Variants in SGCZ observed in about 807,000 individuals in gnomAD.
SGCZ encodes zeta-sarcoglycan.
A neutral mutation model predicts 41.3 loss-of-function variants in SGCZ; 40 were observed. The observed-to-expected ratio is 0.97, with a 90% CI of 0.75 to 1.26. The LOEUF is 1.26. Ranked by LOEUF, SGCZ falls within the 50% of genes most tolerant of loss-of-function variation. The pLI is 0.00. For missense variants in SGCZ, 552 were observed against 369.8 expected, an observed-to-expected ratio of 1.49 and a Z score of -4.04; for synonymous variants, 206 against 137.5, an observed-to-expected ratio of 1.50 and a Z score of -3.49.
At chr8:14,559,667 C>G (rs552870556) in intron 1 of SGCZ, among the ~76,000 whole-genome samples, 1 of 152,050 alleles carries the variant, frequency 6.6e-6, no homozygotes, top group Non-Finnish European at 1.5e-5. Flanking sequence ...CATTAATGTC[C>G]TGTTAAATCT....
chr8:15,141,530 A>G (rs1229311140), intron 1 of SGCZ, among the ~76,000 whole-genome samples: 1 of 152,212 alleles, frequency 6.6e-6, no homozygotes, highest in Non-Finnish European at 1.5e-5. Flanking sequence ...ATGATGATAA[A>G]TGAAAGTGTA....
chr8:14,408,788 A>C (rs1277620331), intron 2 of SGCZ, among the ~76,000 whole-genome samples: 9 of 152,142 alleles, frequency 5.9e-5, no homozygotes, highest in Non-Finnish European at 1.0e-4. Context: ...GGGTATTCAT[A>C]ATTTTTGTTT....
chr8:14,205,009 G>A (rs187036820), intron 4 of SGCZ, among the ~76,000 whole-genome samples: 48 of 152,060 alleles, frequency 3.2e-4, no homozygotes, highest in Admixed American at 3.0e-3. Context: ...TCACCCATAC[G>A]CCTGTTTGTC....
chr8:14,762,580 A>C (rs55962508), intron 1 of SGCZ, among the ~76,000 whole-genome samples: 59,842 of 152,076 alleles, frequency 0.39, 12,709 homozygotes, highest in East Asian at 0.51. Flanking sequence ...TTGAAAACAA[A>C]TGAAATCAAA....
At chr8:14,483,698 T>A (rs941992939) in intron 2 of SGCZ, among the ~76,000 whole-genome samples, 1 of 152,244 alleles carries the variant, frequency 6.6e-6, no homozygotes, top group Non-Finnish European at 1.5e-5. Context: ...CATTTGATCC[T>A]GAACTACTAA....
intron 1 of SGCZ, among the ~76,000 whole-genome samples, chr8:15,231,610 CTTTTTTTTT>C (rs914572473): frequency 4.2e-5 from 3 of 72,102 alleles, no homozygotes; most frequent in African/African-American, 5.4e-5. Flanking sequence ...TTAATATATT[CTTTTTTTTT>C]TTTTTTTTTT....
intron 1 of SGCZ, among the ~76,000 whole-genome samples, chr8:14,614,917 G>A (rs1198196899): frequency 1.3e-5 from 2 of 151,778 alleles, no homozygotes; most frequent in African/African-American, 2.4e-5. Context: ...CACTTTATAT[G>A]TATATTTTAT....
At chr8:15,004,735 A>G (rs1215988580) in intron 1 of SGCZ, among the ~76,000 whole-genome samples, 1 of 152,198 alleles carries the variant, frequency 6.6e-6, no homozygotes, top group Non-Finnish European at 1.5e-5. Context: ...CACCTTCCCG[A>G]TAACAAAAGT....
intron 2 of SGCZ, among the ~76,000 whole-genome samples, chr8:14,509,080 G>C (rs1802391530): frequency 6.6e-6 from 1 of 152,076 alleles, no homozygotes; most frequent in Non-Finnish European, 1.5e-5. Context: ...TAACATAATA[G>C]AGAAAGATAT....
At chr8:14,120,922 A>C (rs1204883242) in intron 5 of SGCZ, among the ~76,000 whole-genome samples, 2 of 152,136 alleles carry the variant, frequency 1.3e-5, no homozygotes, top group Non-Finnish European at 2.9e-5. Context: ...GGAACTGGAC[A>C]AGCTGATTCT....
At chr8:14,458,713 C>T (rs1005255877) in intron 2 of SGCZ, among the ~76,000 whole-genome samples, 1 of 151,978 alleles carries the variant, frequency 6.6e-6, no homozygotes, top group Non-Finnish European at 1.5e-5. Flanking sequence ...ATCTACCTAC[C>T]TACCTACCTA....
chr8:14,696,000 T>C (rs1200250590), intron 1 of SGCZ, among the ~76,000 whole-genome samples: 1 of 152,116 alleles, frequency 6.6e-6, no homozygotes, highest in Admixed American at 6.6e-5. Flanking sequence ...TTTTATAAGA[T>C]ATTGGTCACC....
At chr8:14,934,697 A>AT (rs1334005344) in intron 1 of SGCZ, among the ~76,000 whole-genome samples, 5 of 151,810 alleles carry the variant, frequency 3.3e-5, no homozygotes, top group African/African-American at 1.2e-4. Context: ...ATAAAGGATA[A>AT]TTTTTTAAAG....
At chr8:14,117,442 G>GTGTGTGTGTGTT (rs56855331) in intron 5 of SGCZ, among the ~76,000 whole-genome samples, 1 of 145,524 alleles carries the variant, frequency 6.9e-6, no homozygotes, top group African/African-American at 2.6e-5. Context: ...GTGTGTGTGT[G>GTGTGTGTGTGTT]AATGCAGAGT....
chr8:14,296,428 G>T (rs1328728893), intron 3 of SGCZ, among the ~76,000 whole-genome samples: 1 of 152,130 alleles, frequency 6.6e-6, no homozygotes, highest in Non-Finnish European at 1.5e-5. Context: ...AAGGATTAAA[G>T]TATGTCACAT....
intron 4 of SGCZ, among the ~76,000 whole-genome samples, chr8:14,223,166 G>T (rs774302193): frequency 1.2e-4 from 18 of 151,850 alleles, no homozygotes; most frequent in Non-Finnish European, 2.5e-4. Flanking sequence ...ACAGATATAT[G>T]GTTCCTTTGT....
intron 1 of SGCZ, among the ~76,000 whole-genome samples, chr8:15,201,089 T>A (rs1019339044): frequency 2.6e-5 from 4 of 152,206 alleles, no homozygotes; most frequent in African/African-American, 9.7e-5. Context: ...CCATCTTGGT[T>A]CACTGCAACC....
chr8:14,515,672 G>T (rs1038803887), intron 2 of SGCZ, among the ~76,000 whole-genome samples: 1 of 151,922 alleles, frequency 6.6e-6, no homozygotes, highest in Non-Finnish European at 1.5e-5. Context: ...AAAATTTCTG[G>T]GTCTTTGAGA....
intron 1 of SGCZ, among the ~76,000 whole-genome samples, chr8:15,075,350 G>A (rs530097675): frequency 2.0e-5 from 3 of 152,130 alleles, no homozygotes; most frequent in South Asian, 4.2e-4. Flanking sequence ...TTCCCAAATG[G>A]CATTCATTTT....
Sources: allele counts gnomAD v4.1 joint callset (sites outside exome capture counted in the v4.1 genomes callset), GRCh38; gene constraint gnomAD v4.1.1; transcripts MANE v1.5; gene names NCBI Gene and HGNC (gene_info 2026-07-23, HGNC 2026-07-21).